The following CTNNA2 variants were observed in gnomAD, a reference collection of about 807,000 sequenced individuals.
CTNNA2 encodes the protein catenin alpha-2.
In CTNNA2, 42 loss-of-function variants were observed where a neutral mutation model predicts 101.0. The ratio of observed to expected loss-of-function variants is 0.42; its 90% confidence interval spans 0.32 to 0.54. The LOEUF is 0.54. Ranked by LOEUF, CTNNA2 falls within the 20% of genes least tolerant of loss-of-function variation. The pLI is 0.14. For missense variants in CTNNA2, 871 were observed against 1,223.1 expected (o/e 0.71, Z 4.29); for synonymous variants, 450 against 456.4 (o/e 0.99, Z 0.18).
chr2:79,262,996 T>A (rs1468604697), intron 2 of CTNNA2, among the ~76,000 whole-genome samples: 1 of 152,152 alleles, frequency 6.6e-6, no homozygotes, highest in Non-Finnish European at 1.5e-5. Flanking sequence ...CTCTCCAAAA[T>A]CTGTTTATTA....
In CTNNA2 at chr2:79,441,919, C is replaced by A. The variant is rs1678781839; in HGVS notation, c.-134-63135C>A. ...CTATAAAGTCTTTACCTTTGCTAAA[C>A]CATCTCCATAAAATACCATTCCCAT... On this transcript the variant is annotated intron_variant, in intron 4 of 21. Coordinates refer to the CTNNA2 transcript ENST00000466387. Among the ~76,000 whole-genome samples, 4 of 152,282 alleles carry A rather than the reference C, an allele frequency of 2.6e-5. No homozygotes were observed. The South Asian group carries it at 8.3e-4, about 32-fold the overall frequency.
chr2:79,793,868 CCACACACACACACACTCATGCACACACA>C (rs1388760281), intron 3 of CTNNA2, among the ~76,000 whole-genome samples: 1 of 138,650 alleles, frequency 7.2e-6, no homozygotes, highest in East Asian at 2.1e-4. Flanking sequence ...TTCCCCAATA[CCACACACACACACACTCATGCACACACA>C]CACACACACA....
intron 7 of CTNNA2, among the ~76,000 whole-genome samples, chr2:80,014,396 G>GT (rs11316106): frequency 8.8e-4 from 130 of 147,486 alleles, no homozygotes; most frequent in Admixed American, 1.8e-3. Context: ...GATCTCTTCT[G>GT]TTTTTTTTTT....
At chr2:80,370,641 T>C (rs1675355559) in intron 7 of CTNNA2, among the ~76,000 whole-genome samples, 1 of 152,118 alleles carries the variant, frequency 6.6e-6, no homozygotes, top group South Asian at 2.1e-4. Context: ...TCTAATACAG[T>C]TCAGTGACTT....
intron 7 of CTNNA2, among the ~76,000 whole-genome samples, chr2:80,378,139 G>C (rs1477342593): frequency 6.6e-6 from 1 of 151,950 alleles, no homozygotes; most frequent in African/African-American, 2.4e-5. Context: ...GGCGAATCAC[G>C]AGGTCAGGAG....
At chr2:80,591,457 G>GTTTTTTTTTTGTTTTT (rs1696489265) in intron 15 of CTNNA2, among the ~76,000 whole-genome samples, 2 of 70,314 alleles carry the variant, frequency 2.8e-5, no homozygotes, top group Non-Finnish European at 6.0e-5. Context: ...TGCACAGCCT[G>GTTTTTTTTTTGTTTTT]TTTTTTTTTT....
chr2:80,307,171 T>C (rs1252307426), intron 7 of CTNNA2, among the ~76,000 whole-genome samples: 1 of 151,874 alleles, frequency 6.6e-6, no homozygotes, highest in Non-Finnish European at 1.5e-5. Context: ...CAAGTTTGCA[T>C]CTTTTCTACA....
At chr2:80,387,132 C>CA (rs982890317) in intron 7 of CTNNA2, among the ~76,000 whole-genome samples, 2 of 151,828 alleles carry the variant, frequency 1.3e-5, no homozygotes, top group African/African-American at 4.8e-5. Context: ...ATTAAAAATA[C>CA]AAAAAAATTA....
chr2:79,417,477 T>C (rs1246465515), intron 4 of CTNNA2, among the ~76,000 whole-genome samples: 1 of 152,184 alleles, frequency 6.6e-6, no homozygotes, highest in Admixed American at 6.5e-5. Flanking sequence ...ATGTGTTCAC[T>C]CATGGACTGA....
chr2:80,603,589 A>G (rs1276658860), intron 15 of CTNNA2: 2 of 152,212 alleles, frequency 1.3e-5, no homozygotes, highest in African/African-American at 4.8e-5. Flanking sequence ...AAGCATATGC[A>G]TTTATTTTGG....
intron 9 of CTNNA2, among the ~76,000 whole-genome samples, chr2:80,452,536 G>T (rs1484443308): frequency 6.6e-6 from 1 of 151,528 alleles, no homozygotes; most frequent in African/African-American, 2.5e-5. Flanking sequence ...CTGGGCAGCT[G>T]TCGGTGTTCT....
At chr2:79,207,195 T>C (rs1674110868) in intron 2 of CTNNA2, among the ~76,000 whole-genome samples, 1 of 152,218 alleles carries the variant, frequency 6.6e-6, no homozygotes, top group Admixed American at 6.5e-5. Context: ...CTCAGCACTA[T>C]AGCCACTTTT....
chr2:80,456,911 G>C (rs570511264), intron 9 of CTNNA2, among the ~76,000 whole-genome samples: 1 of 152,238 alleles, frequency 6.6e-6, no homozygotes, highest in African/African-American at 2.4e-5. Context: ...ATAAGTTCTA[G>C]CGCTTGATAG....
intron 3 of CTNNA2, among the ~76,000 whole-genome samples, chr2:79,354,738 G>A (rs1677467772): frequency 6.6e-6 from 1 of 152,124 alleles, no homozygotes; most frequent in Admixed American, 6.6e-5. Context: ...TCCACTGTGA[G>A]AGTGAATTGC....
At chr2:80,639,230 GAC>G (rs968562296) in intron 18 of CTNNA2, among the ~76,000 whole-genome samples, 3 of 152,112 alleles carry the variant, frequency 2.0e-5, no homozygotes, top group Admixed American at 1.3e-4. Context: ...TTTGTTTTGA[GAC>G]ACAGTCTGTT....
chr2:80,182,122 G>T (rs1705823499), intron 7 of CTNNA2, among the ~76,000 whole-genome samples: 1 of 152,160 alleles, frequency 6.6e-6, no homozygotes, highest in African/African-American at 2.4e-5. Flanking sequence ...AAGCTGAGGA[G>T]CAAAGAAGCC....
intron 1 of CTNNA2, among the ~76,000 whole-genome samples, chr2:79,587,037 T>C (rs770970264): frequency 5.9e-5 from 9 of 152,204 alleles, no homozygotes; most frequent in Non-Finnish European, 1.3e-4. Flanking sequence ...CCATGATGTA[T>C]ATATACCACA....
chr2:79,430,308 T>C (rs553949591), intron 4 of CTNNA2, among the ~76,000 whole-genome samples: 1 of 152,292 alleles, frequency 6.6e-6, no homozygotes, highest in Non-Finnish European at 1.5e-5. Context: ...ATATCACACA[T>C]CAAGGCTTCT....
At chr2:80,261,589 G>A (rs1418412530) in intron 7 of CTNNA2, among the ~76,000 whole-genome samples, 1 of 152,128 alleles carries the variant, frequency 6.6e-6, no homozygotes, top group Non-Finnish European at 1.5e-5. Flanking sequence ...TAGGGTCCAC[G>A]TGGTTGGGGA....
Sources: gnomAD v4.1 joint callset for allele counts (sites outside exome capture counted in the v4.1 genomes callset) on GRCh38, gnomAD v4.1.1 for gene constraint, MANE v1.5 for transcripts, NCBI Gene and HGNC (gene_info 2026-07-23, HGNC 2026-07-21) for gene names.